The following MARK3 variants were observed in gnomAD, a reference collection of about 807,000 sequenced individuals.
The protein encoded by MARK3 is microtubule affinity regulating kinase 3, also known as MAP/microtubule affinity-regulating kinase 3.
In MARK3, 46 loss-of-function variants were observed where a neutral mutation model predicts 90.1. The ratio of observed to expected loss-of-function variants is 0.51; its 90% CI spans 0.40 to 0.65. The LOEUF (loss-of-function observed/expected upper bound fraction) is 0.65, where lower values mean the gene tolerates loss of function less well. Among genes scored for constraint, MARK3 ranks in the 30% least tolerant of loss-of-function variants. MARK3 has a pLI of 0.00. For synonymous variants in MARK3, 321 were observed against 332.6 expected (o/e 0.97, Z 0.38); for missense variants, 818 against 947.2 (o/e 0.86, Z 1.79).
At position 103,467,152 on chromosome 14, in the gene MARK3, C is replaced by T. The variant is rs1269759056; in HGVS notation, c.1071C>T (p.Ile357=). 1 of 1,601,560 alleles carries T rather than the reference C, an allele frequency of 6.2e-7. No individual in the cohort carries two copies. Among genetic ancestry groups the T allele is most frequent in the East Asian group, 2.2e-5 (1 of 44,672 alleles). Reference sequence around the variant, plus strand: ...TTAGTAAGATGAAATACGATGAAATCACAGCTACATATTTGTTATTGGGGA... The same window carrying T: ...TTAGTAAGATGAAATACGATGAAATTACAGCTACATATTTGTTATTGGGGA... The part of the protein sequence containing the change: ...ESLSKMKYDE[I]TATYLLLGRK... The change falls in exon 11 of 18, where the codon ATC becomes ATT. Residue 357 remains isoleucine (I), a synonymous_variant. Coordinates refer to ENST00000429436, the MANE Select transcript of MARK3 (RefSeq NM_001128918.3).
In MARK3 at chr14:103,460,320, C is replaced by T. The variant is rs1314953497; in HGVS notation, c.484-2085C>T. Among the ~76,000 whole-genome samples the T allele has an allele frequency of 4.0e-5, 6 of 151,856 alleles. No individual in the cohort carries two copies. In the South Asian group the frequency reaches 6.2e-4, roughly 16 times the overall value. On this transcript the variant is annotated intron_variant, in intron 6 of 17. Coordinates refer to ENST00000429436, the MANE Select transcript of MARK3 (RefSeq NM_001128918.3). ...CAGGATGGTCTCGATCTCCTGACCT[C>T]GTGATCCACCCGCCTCGGCCTCCCA...
At chr14:103,419,713 AGTG>A (rs2092124212) in intron 2 of MARK3, among the ~76,000 whole-genome samples, 1 of 152,176 alleles carries the variant, frequency 6.6e-6, no homozygotes, top group South Asian at 2.1e-4. Flanking sequence ...AAACTCAGCA[AGTG>A]GTTTCTTGGG....
intron 3 of MARK3, among the ~76,000 whole-genome samples, chr14:103,439,927 G>C (rs549861393): frequency 1.4e-3 from 213 of 151,830 alleles, no homozygotes; most frequent in Non-Finnish European, 2.6e-3. Context: ...TGGGATTACA[G>C]GTGTGCACCA....
chr14:103,487,187 G>C (rs1247779451), intron 14 of MARK3, among the ~76,000 whole-genome samples: 1 of 150,658 alleles, frequency 6.6e-6, no homozygotes, highest in Non-Finnish European at 1.5e-5. Flanking sequence ...AAAGTGCTGG[G>C]ATTACAGGCG....
chr14:103,427,817 C>G (rs376294843), intron 2 of MARK3, among the ~76,000 whole-genome samples: 1 of 152,170 alleles, frequency 6.6e-6, no homozygotes, highest in African/African-American at 2.4e-5. Context: ...AGGTCACTTT[C>G]ATCGCCATCT....
At position 103,501,299 on chromosome 14, in the gene MARK3, C is replaced by G. The variant is rs190655585; in HGVS notation, c.1916+1099C>G. ...CCTCTCCAGGCCTACCCATCCCAGC[C>G]AGGAGCAGGCTCTAGATCCTGGTTT... On this transcript the variant is annotated intron_variant, in intron 17 of 17. Transcript: ENST00000429436. 2.6e-3 allele frequency among the ~76,000 whole-genome samples: 401 copies of G among 152,314 alleles called. 9 individuals are homozygous for G. The highest frequency in any genetic ancestry group is 4.0e-4 in the Non-Finnish European group (27 of 68,030).
chr14:103,486,601 C>T (rs990637001), intron 14 of MARK3, among the ~76,000 whole-genome samples: 1 of 151,964 alleles, frequency 6.6e-6, no homozygotes, highest in Non-Finnish European at 1.5e-5. Flanking sequence ...TAACACTTTT[C>T]TGGGGGGAAA....
chr14:103,399,982 G>A (rs772006286), intron 1 of MARK3, among the ~76,000 whole-genome samples: 3 of 150,542 alleles, frequency 2.0e-5, no homozygotes, highest in Non-Finnish European at 3.0e-5. Flanking sequence ...AGGCTGGAGT[G>A]CAGTGGCGGA....
At chr14:103,499,665 A>G (rs954909512) in intron 16 of MARK3, 1 of 152,630 alleles carries the variant, frequency 6.6e-6, no homozygotes, top group Admixed American at 6.5e-5. Context: ...TTTTTAATTG[A>G]TCTTCCCACT....
At chr14:103,490,846 T>G in intron 14 of MARK3, 15 of 578,006 alleles carry the variant, frequency 2.6e-5, no homozygotes, top group Non-Finnish European at 3.1e-5. Context: ...TTACCAGAAA[T>G]GAGATGGCTT....
intron 3 of MARK3, among the ~76,000 whole-genome samples, chr14:103,442,588 T>C (rs1221675876): frequency 6.6e-6 from 1 of 152,016 alleles, no homozygotes; most frequent in African/African-American, 2.4e-5. Context: ...TGTAGAGCAA[T>C]AAAAATAGAA....
chr14:103,456,815 C>T (rs1361959545), intron 5 of MARK3, among the ~76,000 whole-genome samples: 2 of 152,212 alleles, frequency 1.3e-5, no homozygotes, highest in Non-Finnish European at 2.9e-5. Context: ...ATGTCCTCTT[C>T]TAACACAAAT....
chr14:103,485,999 T>C (rs939937260), intron 14 of MARK3, among the ~76,000 whole-genome samples: 1 of 152,098 alleles, frequency 6.6e-6, no homozygotes, highest in African/African-American at 2.4e-5. Context: ...TCAATTAAGG[T>C]TTAAATGTAG....
At chr14:103,488,822 A>G (rs1174457271) in intron 14 of MARK3, among the ~76,000 whole-genome samples, 1 of 152,240 alleles carries the variant, frequency 6.6e-6, no homozygotes, top group Non-Finnish European at 1.5e-5. Context: ...GGGTGAATAC[A>G]GCAAGACCCT....
At chr14:103,433,395 T>A (rs1036085197) in intron 3 of MARK3, among the ~76,000 whole-genome samples, 2 of 151,972 alleles carry the variant, frequency 1.3e-5, no homozygotes, top group Non-Finnish European at 2.9e-5. Flanking sequence ...CCAGGACAGT[T>A]TAAATCTTCA....
intron 15 of MARK3, among the ~76,000 whole-genome samples, chr14:103,494,510 C>T (rs1469939520): frequency 7.3e-6 from 1 of 136,320 alleles, no homozygotes; most frequent in Non-Finnish European, 1.5e-5. Context: ...CGCCATTGCA[C>T]TCCAGCCTGG....
At chr14:103,483,714 G>A (rs1378996252) in intron 14 of MARK3, among the ~76,000 whole-genome samples, 1 of 152,150 alleles carries the variant, frequency 6.6e-6, no homozygotes, top group Non-Finnish European at 1.5e-5. Flanking sequence ...CGTGCTGAAG[G>A]CCAGCCCACT....
chr14:103,404,627 G>A (rs956018919), intron 1 of MARK3, among the ~76,000 whole-genome samples: 1 of 152,156 alleles, frequency 6.6e-6, no homozygotes, highest in Non-Finnish European at 1.5e-5. Context: ...AGTATAGAAG[G>A]AAATCGGGAA....
At position 103,441,082 on chromosome 14, in the gene MARK3, G is replaced by A. The variant is rs1273795601; in HGVS notation, c.298-7837G>A. Among the ~76,000 whole-genome samples, 3 of 151,568 alleles carry A rather than the reference G, an allele frequency of 2.0e-5. No individual in the cohort carries two copies. The South Asian group carries it at 6.2e-4, about 31-fold the overall frequency. On this transcript the variant is annotated intron_variant, in intron 3 of 17. Transcript: ENST00000429436. ...GTATTCATCTTTTGTTTAATTTCTAGTGGATTTTTTCTTAGTTATTTTAGG... is the reference window on the plus strand; with the variant it reads ...GTATTCATCTTTTGTTTAATTTCTAATGGATTTTTTCTTAGTTATTTTAGG...
Sources: gnomAD v4.1 joint callset for allele counts (sites outside exome capture counted in the v4.1 genomes callset) on GRCh38, gnomAD v4.1.1 for gene constraint, MANE v1.5 for transcripts, NCBI Gene and HGNC (gene_info 2026-07-23, HGNC 2026-07-21) for gene names.